SHANK2: variants seen among roughly 807,000 people sequenced by gnomAD.
The protein encoded by SHANK2 is SH3 and multiple ankyrin repeat domains 2, also known as SH3 and multiple ankyrin repeat domains protein 2.
Under a neutral mutation model 133.7 loss-of-function variants are expected in SHANK2, and 43 were observed. That is an observed-to-expected ratio of 0.32 (90% CI 0.25 to 0.41). The LOEUF is 0.41. Ranked by LOEUF, SHANK2 falls within the 10% of genes least tolerant of loss-of-function variation. SHANK2 has a pLI of 1.00. For synonymous variants in SHANK2, 1,017 were observed against 952.8 expected (o/e 1.07, Z -1.24); for missense variants, 1,994 against 2,235.8 (o/e 0.89, Z 2.18).
At chr11:70,680,476 C>T (rs782123541) in intron 15 of SHANK2, among the ~76,000 whole-genome samples, 1 of 152,178 alleles carries the variant, frequency 6.6e-6, no homozygotes, top group Admixed American at 6.5e-5. Context: ...ATCACTCCAG[C>T]CTCCGCTCCC....
At chr11:70,644,599 G>A (rs1238785622) in intron 17 of SHANK2, among the ~76,000 whole-genome samples, 1 of 152,204 alleles carries the variant, frequency 6.6e-6, no homozygotes, top group Non-Finnish European at 1.5e-5. Flanking sequence ...CCCGCCTGCT[G>A]CAAATGCAAG....
At chr11:70,509,753 C>T (rs2059178169) in intron 17 of SHANK2, among the ~76,000 whole-genome samples, 1 of 152,170 alleles carries the variant, frequency 6.6e-6, no homozygotes, top group African/African-American at 2.4e-5. Flanking sequence ...GCGGAGCCTT[C>T]GTGAATGGGA....
chr11:70,658,749 G>A (rs1555012393), intron 17 of SHANK2, among the ~76,000 whole-genome samples: 2 of 152,156 alleles, frequency 1.3e-5, no homozygotes, highest in African/African-American at 4.8e-5. Context: ...AAATGATCAC[G>A]GGTAGCCCTC....
chr11:70,770,619 G>A (rs557310332), intron 14 of SHANK2, among the ~76,000 whole-genome samples: 5 of 152,302 alleles, frequency 3.3e-5, no homozygotes, highest in Admixed American at 2.6e-4. Flanking sequence ...TCCAATGGAC[G>A]GCTCTGGGAA....
At chr11:70,937,471 C>T (rs1156245209) in intron 10 of SHANK2, among the ~76,000 whole-genome samples, 3 of 152,188 alleles carry the variant, frequency 2.0e-5, no homozygotes, top group African/African-American at 7.2e-5. Flanking sequence ...CATCGTCAGC[C>T]CCCTGGGGTC....
intron 2 of SHANK2, among the ~76,000 whole-genome samples, chr11:71,205,268 G>C (rs1352994653): frequency 6.6e-6 from 1 of 152,188 alleles, no homozygotes; most frequent in Non-Finnish European, 1.5e-5. Flanking sequence ...CCCGCATCCA[G>C]CCCACATTCT....
intron 2 of SHANK2, among the ~76,000 whole-genome samples, chr11:71,167,209 C>T (rs1170428072): frequency 6.6e-6 from 1 of 152,204 alleles, no homozygotes; most frequent in African/African-American, 2.4e-5. Flanking sequence ...GACACGGCAA[C>T]CATCCGATTC....
chr11:71,153,318 C>T (rs1163966152), intron 2 of SHANK2, among the ~76,000 whole-genome samples: 1 of 152,066 alleles, frequency 6.6e-6, no homozygotes, highest in Non-Finnish European at 1.5e-5. Context: ...GGCCATAAAA[C>T]CCCAGGTCCA....
chr11:70,800,464 G>C (rs1948020120), intron 13 of SHANK2, among the ~76,000 whole-genome samples: 1 of 152,128 alleles, frequency 6.6e-6, no homozygotes, highest in Non-Finnish European at 1.5e-5. Context: ...GGATCCAAAG[G>C]CAACAGCCCT....
At chr11:70,942,965 T>C in intron 10 of SHANK2, 1 of 448,928 alleles carries the variant, frequency 2.2e-6, no homozygotes, top group Non-Finnish European at 4.5e-6. Context: ...CAAAGCACTT[T>C]AAAGTTTAGC....
At chr11:70,950,522 C>G (rs1590866619) in intron 10 of SHANK2, among the ~76,000 whole-genome samples, 1 of 152,350 alleles carries the variant, frequency 6.6e-6, no homozygotes, top group East Asian at 1.9e-4. Flanking sequence ...GGGCACGAAT[C>G]CCATCACGGG....
chr11:70,726,093 A>T (rs563623942), intron 14 of SHANK2, among the ~76,000 whole-genome samples: 46 of 152,290 alleles, frequency 3.0e-4, no homozygotes, highest in African/African-American at 1.1e-3. Context: ...TCAGAGCTGT[A>T]CTTGGTAAGT....
At chr11:70,867,890 G>GTT (rs1555069385) in intron 11 of SHANK2, among the ~76,000 whole-genome samples, 2 of 152,218 alleles carry the variant, frequency 1.3e-5, no homozygotes, top group Non-Finnish European at 2.9e-5. Context: ...TCTCTGGGCT[G>GTT]TTTGCCTCTG....
intron 2 of SHANK2, among the ~76,000 whole-genome samples, chr11:71,203,835 C>T (rs1954069728): frequency 6.6e-6 from 1 of 152,214 alleles, no homozygotes; most frequent in East Asian, 1.9e-4. Context: ...GAAGAACCCC[C>T]AGGAAAAGCC....
intron 14 of SHANK2, among the ~76,000 whole-genome samples, chr11:70,773,627 C>G (rs556836428): frequency 3.3e-5 from 5 of 152,298 alleles, no homozygotes; most frequent in African/African-American, 1.2e-4. Context: ...AAATTTGCTA[C>G]AGGACTAGAT....
intron 15 of SHANK2, among the ~76,000 whole-genome samples, chr11:70,679,694 G>A (rs1396392353): frequency 6.6e-6 from 1 of 152,228 alleles, no homozygotes; most frequent in Admixed American, 6.5e-5. Context: ...TACGCCCCAG[G>A]GCCTGGAACG....
upstream of SHANK2, among the ~76,000 whole-genome samples, chr11:71,253,099 G>A (rs527733201): frequency 2.2e-4 from 33 of 152,296 alleles, no homozygotes; most frequent in East Asian, 6.4e-3. Flanking sequence ...GCCCAGGGGT[G>A]CACAACGGTA....
chr11:71,076,314 G>A lies in SHANK2; in HGVS notation c.913-1039C>T, dbSNP rs1307954544. On this transcript the variant is annotated intron_variant, in intron 8 of 25. Coordinates refer to ENST00000601538, the MANE Select transcript of SHANK2 (RefSeq NM_012309.5). ...CCTAGGGGTGTTGAGAGCAGTAGGC[G>A]CCATGGTAGCCCAGGAAGGGGTTCT... is the stretch of plus-strand genomic sequence containing the variant. 5.9e-5 allele frequency among the ~76,000 whole-genome samples: 9 copies of A among 152,216 alleles called. No homozygotes were observed. In the South Asian group the frequency reaches 6.2e-4, roughly 11 times the overall value.
At chr11:70,798,347 G>A (rs963271322) in intron 14 of SHANK2, 96 bp downstream of exon 14, 19 of 696,248 alleles carry the variant, frequency 2.7e-5, no homozygotes, top group African/African-American at 1.1e-4. Context: ...CTCCCTCTAC[G>A]ACGCAACGGC....
Sources: gnomAD v4.1 joint callset for allele counts (sites outside exome capture counted in the v4.1 genomes callset) on GRCh38, gnomAD v4.1.1 for gene constraint, MANE v1.5 for transcripts, NCBI Gene and HGNC (gene_info 2026-07-23, HGNC 2026-07-21) for gene names.